The following SYTL2 variants were observed in gnomAD, a reference collection of about 807,000 sequenced individuals.
The protein encoded by SYTL2 is synaptotagmin like 2.
In SYTL2, 165 loss-of-function variants were observed where a neutral mutation model predicts 198.7. The observed-to-expected ratio is 0.83, with a 90% CI of 0.73 to 0.94. The LOEUF is 0.94. SYTL2 is among the 40% of genes least tolerant of loss of function. The pLI is 0.00. For synonymous variants in SYTL2, 966 were observed against 917.7 expected, an observed-to-expected ratio of 1.05 and a Z score of -0.95; for missense variants, 2,835 against 2,582.8, an observed-to-expected ratio of 1.10 and a Z score of -2.12.
In SYTL2 at chr11:85,726,504, C is replaced by G; in HGVS notation, c.2854G>C (p.Val952Leu). The G allele has an allele frequency of 1.2e-6, 2 of 1,606,832 alleles. No individual in the cohort carries two copies. The highest frequency in any genetic ancestry group is 1.7e-6 in the Non-Finnish European group (2 of 1,179,942). Reference sequence around the variant, plus strand: ...TTAAAGTTGGCATTTGATTCACGAACTAGAGGTCTGTCTTTCTCCAATGGA... The same window carrying G: ...TTAAAGTTGGCATTTGATTCACGAAGTAGAGGTCTGTCTTTCTCCAATGGA... ...HAPLEKDRPL[V>L]RESNANFKVM... is the part of the protein sequence containing the mutation. The change falls in exon 8 of 20, where the codon GTT becomes CTT. Residue 952 changes from valine (V) to leucine (L), a missense_variant. Coordinates refer to ENST00000359152, the MANE Select transcript of SYTL2 (RefSeq NM_206927.4).
chr11:85,835,638 G>A, the SYTL2 span, among the ~76,000 whole-genome samples: 1 of 151,978 alleles, frequency 6.6e-6, no homozygotes, highest in South Asian at 2.1e-4. Context: ...TTGTTTTCCT[G>A]GCAATATCCC....
chr11:85,769,341 G>T (rs2092309019), intron 1 of SYTL2, among the ~76,000 whole-genome samples: 1 of 152,182 alleles, frequency 6.6e-6, no homozygotes, highest in African/African-American at 2.4e-5. Context: ...GAAGGAGAGA[G>T]AGGAGATATG....
At chr11:85,737,810 G>A (rs141507191) in intron 4 of SYTL2, among the ~76,000 whole-genome samples, 154 bp from the exon 5 acceptor site, 8 of 152,340 alleles carry the variant, frequency 5.3e-5, no homozygotes, top group Non-Finnish European at 8.8e-5. Context: ...CTATCCCAGG[G>A]ACAGGACAGC....
At chr11:85,702,252 T>G (rs2084425727) in intron 16 of SYTL2, among the ~76,000 whole-genome samples, 1 of 150,590 alleles carries the variant, frequency 6.6e-6, no homozygotes, top group African/African-American at 2.4e-5. Flanking sequence ...TGCAATGGCG[T>G]GATCTCAGTT....
At chr11:85,715,797 C>T (rs984843504) in intron 11 of SYTL2, among the ~76,000 whole-genome samples, 5 of 152,088 alleles carry the variant, frequency 3.3e-5, no homozygotes, top group African/African-American at 1.2e-4. Flanking sequence ...AGATTAGGTC[C>T]CACAATATGG....
chr11:85,748,491 G>T, intron 2 of SYTL2, 68 bp from the exon 3 acceptor site: 1 of 1,489,714 alleles, frequency 6.7e-7, no homozygotes, highest in Non-Finnish European at 9.3e-7. Flanking sequence ...TTATGACACC[G>T]CATAAAGACA....
chr11:85,843,804 A>G, the SYTL2 span, among the ~76,000 whole-genome samples: 1 of 152,212 alleles, frequency 6.6e-6, no homozygotes, highest in Non-Finnish European at 1.5e-5. Flanking sequence ...CAGCCCTGAG[A>G]AGTATGCAAT....
chr11:85,794,894 C>T (rs184154173), intron 1 of SYTL2, among the ~76,000 whole-genome samples: 49 of 151,878 alleles, frequency 3.2e-4, no homozygotes, highest in Admixed American at 1.3e-3. Context: ...ATAAAGAAAA[C>T]CAAGAAAAAA....
chr11:85,762,418 C>A (rs983486196), intron 1 of SYTL2, among the ~76,000 whole-genome samples: 2 of 152,200 alleles, frequency 1.3e-5, no homozygotes, highest in African/African-American at 4.8e-5. Context: ...TCCTACCCAT[C>A]CTCCATTCAG....
intron 1 of SYTL2, among the ~76,000 whole-genome samples, chr11:85,783,193 G>A (rs567005182): frequency 2.6e-4 from 39 of 152,288 alleles, no homozygotes; most frequent in African/African-American, 7.7e-4. Context: ...GGAAACTTAC[G>A]ATCATGACAG....
Position 85,809,879 on chromosome 11 carries a change from G to C in SYTL2, c.-390+1075C>G, listed in dbSNP as rs570948308. ...AAGGGGCAGAACTTCAGGGGTGGAG[G>C]AAAGTGAGGGAAGGGAAATGCTGGA... On this transcript the variant is annotated intron_variant, in intron 1 of 19. Transcript: ENST00000359152. Among the ~76,000 whole-genome samples, 27 of 152,336 alleles carry C rather than the reference G, an allele frequency of 1.8e-4. No homozygotes were observed. The South Asian group carries it at 5.0e-3, about 28-fold the overall frequency.
the SYTL2 span, among the ~76,000 whole-genome samples, chr11:85,823,892 T>C: frequency 1.4e-4 from 22 of 152,242 alleles, no homozygotes; most frequent in Admixed American, 7.2e-4. Flanking sequence ...GACTACAGGA[T>C]GCTGTGGTTA....
At chr11:85,846,382 G>A in the SYTL2 span, among the ~76,000 whole-genome samples, 1 of 152,168 alleles carries the variant, frequency 6.6e-6, no homozygotes, top group Non-Finnish European at 1.5e-5. Context: ...CTTGAAGAGA[G>A]GAGTGTTAAA....
At chr11:85,791,312 C>T (rs547331975) in intron 1 of SYTL2, among the ~76,000 whole-genome samples, 1 of 152,094 alleles carries the variant, frequency 6.6e-6, no homozygotes, top group African/African-American at 2.4e-5. Context: ...AAGAAAGAGC[C>T]CTCACTCAGC....
At chr11:85,787,602 G>A (rs752471418) in intron 1 of SYTL2, among the ~76,000 whole-genome samples, 5 of 151,866 alleles carry the variant, frequency 3.3e-5, no homozygotes, top group African/African-American at 7.3e-5. Context: ...GGACTGTACC[G>A]CAAGTCCTCT....
the SYTL2 span, among the ~76,000 whole-genome samples, chr11:85,842,504 C>T: frequency 6.6e-4 from 100 of 152,344 alleles, no homozygotes; most frequent in African/African-American, 2.2e-3. Context: ...CTCCCAATAA[C>T]TTGTTTGTTA....
At chr11:85,745,408 C>T (rs2153519912) in intron 4 of SYTL2, among the ~76,000 whole-genome samples, 1 of 152,262 alleles carries the variant, frequency 6.6e-6, no homozygotes, top group South Asian at 2.1e-4. Flanking sequence ...CACCACTTAA[C>T]ATTTTTATTT....
At chr11:85,748,186 A>G in intron 3 of SYTL2, 86 bp downstream of exon 3, 7 of 1,402,900 alleles carry the variant, frequency 5.0e-6, no homozygotes, top group Non-Finnish European at 6.9e-6. Flanking sequence ...GATTTCCATC[A>G]GCAGATTTCT....
chr11:85,725,620 C>G lies in SYTL2; in HGVS notation c.3738G>C (p.Gly1246=). The G allele has an allele frequency of 1.2e-6, 2 of 1,614,142 alleles. No homozygotes were observed. The highest frequency in any genetic ancestry group is 1.7e-6 in the Non-Finnish European group (2 of 1,180,026). ...GTTCTATCCCTTTTCCAAAAAATCT[C>G]CCCTCTTCCAGCTTAGAGTTGGTTC... ...ITGTNSKLEE[G]RFFGKGIEQS... The change falls in exon 8 of 20, where the codon GGG becomes GGC. Residue 1246 remains glycine (G), a synonymous_variant. Transcript: ENST00000359152.
Sources: allele counts gnomAD v4.1 joint callset (sites outside exome capture counted in the v4.1 genomes callset), GRCh38; gene constraint gnomAD v4.1.1; transcripts MANE v1.5; gene names NCBI Gene and HGNC (gene_info 2026-07-23, HGNC 2026-07-21).